HACD2: variants seen among roughly 807,000 people sequenced by gnomAD.
The protein encoded by HACD2 is very-long-chain (3R)-3-hydroxyacyl-CoA dehydratase 2.
In HACD2, 15 loss-of-function variants were observed where a neutral mutation model predicts 31.0. The observed-to-expected ratio is 0.48, with a 90% CI of 0.32 to 0.75. The LOEUF (loss-of-function observed/expected upper bound fraction) is 0.75. Ranked by LOEUF, HACD2 falls within the 30% of genes least tolerant of loss-of-function variation. The pLI, the probability that HACD2 is intolerant of heterozygous loss-of-function variation, is 0.03. For synonymous variants in HACD2, 115 were observed against 122.2 expected, an observed-to-expected ratio of 0.94 and a Z score of 0.39; for missense variants, 283 against 313.0, an observed-to-expected ratio of 0.90 and a Z score of 0.72.
chr3:123,529,922 A>T (rs548124082), intron 3 of HACD2, among the ~76,000 whole-genome samples: 32 of 152,292 alleles, frequency 2.1e-4, no homozygotes, highest in South Asian at 1.9e-3. Context: ...TTTAAAAAAA[A>T]AAATATATTG....
intron 6 of HACD2, chr3:123,499,749 T>C (rs915878765): frequency 7.3e-6 from 3 of 411,584 alleles, no homozygotes; most frequent in African/African-American, 6.2e-5. Context: ...CTGTATGTCG[T>C]TGGTTATAAG....
rs1410352275 is a variant in HACD2, at chr3:123,582,332, A to G, written c.156-3T>C. ...GACCAACCGCTATAACCAGCCACCT[A>G]GTAAAAGAGAAAACAGCAATCAGGA... On this transcript the variant is annotated splice_polypyrimidine_tract_variant and splice_region_variant and intron_variant, in intron 1 of 6. Transcript: ENST00000383657. 1 of 1,562,724 alleles carries G rather than the reference A, an allele frequency of 6.4e-7. No homozygotes were observed. The highest frequency in any genetic ancestry group is 8.6e-7 in the Non-Finnish European group (1 of 1,156,334).
intron 3 of HACD2, among the ~76,000 whole-genome samples, chr3:123,532,969 G>A (rs2056382671): frequency 6.6e-6 from 1 of 151,816 alleles, no homozygotes; most frequent in Non-Finnish European, 1.5e-5. Context: ...TTGTTTTAGA[G>A]CTCAATGTTA....
intron 5 of HACD2, 62 bp downstream of exon 5, chr3:123,502,498 T>C (rs1471259418): frequency 3.8e-6 from 6 of 1,561,698 alleles, no homozygotes; most frequent in Middle Eastern, 3.4e-4. Flanking sequence ...ATTTAGGCAA[T>C]AAAGGGCAAA....
At chr3:123,584,181 G>C (rs2056997637) in intron 1 of HACD2, among the ~76,000 whole-genome samples, 1 of 152,198 alleles carries the variant, frequency 6.6e-6, no homozygotes, top group Non-Finnish European at 1.5e-5. Flanking sequence ...GTTAGTGGCA[G>C]AGCTTGAACT....
chr3:123,551,640 G>T (rs565732761), intron 3 of HACD2, among the ~76,000 whole-genome samples: 2 of 150,926 alleles, frequency 1.3e-5, no homozygotes, highest in Non-Finnish European at 3.0e-5. Flanking sequence ...AAAAAAAAAA[G>T]AAAAATTAAT....
At chr3:123,582,839 T>C (rs560236560) in intron 1 of HACD2, among the ~76,000 whole-genome samples, 2 of 152,026 alleles carry the variant, frequency 1.3e-5, no homozygotes, top group South Asian at 4.1e-4. Context: ...TAAAGGGCTC[T>C]TGCTAAAAAA....
chr3:123,518,912 G>A (rs2056178378), intron 4 of HACD2, among the ~76,000 whole-genome samples: 1 of 150,042 alleles, frequency 6.7e-6, no homozygotes, highest in South Asian at 2.1e-4. Flanking sequence ...CAGGAGAATC[G>A]CTTGAACCAG....
At chr3:123,580,115 C>T (rs558852656) in intron 2 of HACD2, among the ~76,000 whole-genome samples, 153 of 150,550 alleles carry the variant, frequency 1.0e-3, no homozygotes, top group South Asian at 1.7e-3. Flanking sequence ...TGCAGTGAGC[C>T]GAGATCCCAC....
chr3:123,515,754 G>A (rs1373498870), intron 4 of HACD2, among the ~76,000 whole-genome samples: 1 of 151,902 alleles, frequency 6.6e-6, no homozygotes, highest in Non-Finnish European at 1.5e-5. Context: ...TGAGTATGTT[G>A]GGGTTTTTTG....
chr3:123,519,664 G>A (rs9870504), intron 4 of HACD2, among the ~76,000 whole-genome samples: 5,212 of 152,082 alleles, frequency 0.034, 89 homozygotes, highest in Middle Eastern at 0.088. Flanking sequence ...ATCCCCTATT[G>A]GTATTTCAAA....
At chr3:123,578,655 AT>A (rs1371466374) in intron 2 of HACD2, among the ~76,000 whole-genome samples, 2 of 152,184 alleles carry the variant, frequency 1.3e-5, no homozygotes, top group East Asian at 3.8e-4. Flanking sequence ...GCAAAGTGTT[AT>A]TATTTTCTTA....
intron 2 of HACD2, among the ~76,000 whole-genome samples, chr3:123,581,564 G>T (rs999886898): frequency 1.3e-5 from 2 of 152,168 alleles, no homozygotes; most frequent in East Asian, 1.9e-4. Flanking sequence ...GAAAGCAAGA[G>T]AATCTGGCAG....
chr3:123,577,498 G>A (rs1374032990), intron 2 of HACD2, among the ~76,000 whole-genome samples: 1 of 151,896 alleles, frequency 6.6e-6, no homozygotes, highest in Non-Finnish European at 1.5e-5. Context: ...GCGGGCGCCT[G>A]TAGTCCCAGC....
rs370929290 is a variant in HACD2 at position 123,502,715 on chromosome 3, C to T, written c.382-34G>A. 7.7e-6 allele frequency: 12 copies of T among 1,567,662 alleles called. No homozygotes were observed. In the South Asian group the frequency reaches 1.2e-4, roughly 15 times the overall value. On this transcript the variant is annotated intron_variant, in intron 4 of 6. Coordinates refer to ENST00000383657, the MANE Select transcript of HACD2 (RefSeq NM_198402.5). Reference sequence around the variant, plus strand: ...AGAGGAAAACAAAAGAAAAAAAACACACAGACAACGTTAATGAAGACAGTG... The same window carrying T: ...AGAGGAAAACAAAAGAAAAAAAACATACAGACAACGTTAATGAAGACAGTG...
At chr3:123,542,064 G>A (rs1193335779) in intron 3 of HACD2, among the ~76,000 whole-genome samples, 1 of 136,944 alleles carries the variant, frequency 7.3e-6, no homozygotes, top group Admixed American at 7.8e-5. Context: ...GGAGAATGGC[G>A]TGAACCCGGG....
chr3:123,579,249 T>A (rs1432843618), intron 2 of HACD2, among the ~76,000 whole-genome samples: 1 of 152,200 alleles, frequency 6.6e-6, no homozygotes, highest in Non-Finnish European at 1.5e-5. Context: ...TGTCCCTACC[T>A]TCCATAAGAT....
chr3:123,551,694 T>C (rs149618967), intron 3 of HACD2, among the ~76,000 whole-genome samples: 149 of 152,168 alleles, frequency 9.8e-4, no homozygotes, highest in African/African-American at 3.4e-3. Flanking sequence ...GGGAAGTCTA[T>C]ATTAGTAAAA....
rs58761061 is a variant in HACD2, at chr3:123,563,644, T to TACACACAC, written c.292+4110_292+4117dup. Among the ~76,000 whole-genome samples the TACACACAC allele has an allele frequency of 8.1e-3, 902 of 112,046 alleles. 8 individuals are homozygous for TACACACAC. The highest frequency in any genetic ancestry group is 9.4e-3 in the Non-Finnish European group (513 of 54,498). 73.5% of individuals were successfully genotyped at this position (112,046 alleles called of 152,430 possible). ...TTTTGAATTGACAAAAAAATATATA[T>TACACACAC]ACACACACACACACACACACACACA... On this transcript the variant is annotated intron_variant, in intron 3 of 6. Transcript: ENST00000383657.
Sources: allele counts gnomAD v4.1 joint callset (sites outside exome capture counted in the v4.1 genomes callset), GRCh38; gene constraint gnomAD v4.1.1; transcripts MANE v1.5; gene names NCBI Gene and HGNC (gene_info 2026-07-23, HGNC 2026-07-21).